The following GRM1 variants were observed in gnomAD, a reference collection of about 807,000 sequenced individuals.
The protein encoded by GRM1 is glutamate metabotropic receptor 1.
In GRM1, 33 loss-of-function variants were observed where a neutral mutation model predicts 90.9. The observed-to-expected ratio is 0.36, with a 90% CI of 0.28 to 0.49. The LOEUF (loss-of-function observed/expected upper bound fraction) is 0.49, where lower values mean the gene tolerates loss of function less well. Among genes scored for constraint, GRM1 ranks in the 20% least tolerant of loss-of-function variants. The probability of loss-of-function intolerance (pLI) is 0.99; values close to 1 mark genes in which losing one functional copy is unlikely to be tolerated. For synonymous variants in GRM1, 700 were observed against 613.2 expected, an observed-to-expected ratio of 1.14 and a Z score of -2.09; for missense variants, 1,190 against 1,534.3, an observed-to-expected ratio of 0.78 and a Z score of 3.75.
At chr6:146,329,377 G>A (rs927919001) in intron 3 of GRM1, among the ~76,000 whole-genome samples, 6 of 152,126 alleles carry the variant, frequency 3.9e-5, no homozygotes, top group African/African-American at 1.4e-4. Flanking sequence ...TTCCACAGTG[G>A]AGGACAGGGA....
At chr6:146,406,152 G>T (rs1321792249) in intron 7 of GRM1, among the ~76,000 whole-genome samples, 1 of 152,172 alleles carries the variant, frequency 6.6e-6, no homozygotes, top group African/African-American at 2.4e-5. Context: ...ATAAGAGAGA[G>T]ATCATCTGGT....
At chr6:146,047,907 ATT>A (rs1791392300) in intron 1 of GRM1, among the ~76,000 whole-genome samples, 1 of 151,986 alleles carries the variant, frequency 6.6e-6, no homozygotes, top group Middle Eastern at 3.2e-3. Context: ...TAACAGGCAT[ATT>A]TCCACCTGAC....
intron 2 of GRM1, among the ~76,000 whole-genome samples, chr6:146,183,691 G>A (rs888572422): frequency 1.3e-5 from 2 of 152,056 alleles, no homozygotes; most frequent in Admixed American, 6.6e-5. Flanking sequence ...GTAACTGTGC[G>A]ATTCTCCTCT....
At chr6:146,159,715 A>G in intron 2 of GRM1, 118 bp downstream of exon 2, 1 of 959,556 alleles carries the variant, frequency 1.0e-6, no homozygotes, top group South Asian at 1.4e-5. Context: ...GCTAACTCCA[A>G]AGTGGGAGAG....
chr6:146,267,702 G>GCTCGGCTCGGCTCGTCTCGT, intron 2 of GRM1, among the ~76,000 whole-genome samples: 1 of 86,120 alleles, frequency 1.2e-5, no homozygotes, highest in Admixed American at 1.4e-4. Flanking sequence ...GCTCGGCTCG[G>GCTCGGCTCGGCTCGTCTCGT]CTCGTCTCGT....
chr6:146,130,219 T>G (rs1439061945), intron 1 of GRM1, among the ~76,000 whole-genome samples: 1 of 151,966 alleles, frequency 6.6e-6, no homozygotes, highest in Non-Finnish European at 1.5e-5. Flanking sequence ...AGATTTAGTT[T>G]TCTCTTTCTT....
chr6:146,034,702 C>T (rs1241844429), intron 1 of GRM1, among the ~76,000 whole-genome samples: 8 of 151,928 alleles, frequency 5.3e-5, no homozygotes, highest in South Asian at 4.1e-4. Flanking sequence ...AACCCTTTCA[C>T]GAGCAAACTA....
intron 1 of GRM1, among the ~76,000 whole-genome samples, chr6:146,066,047 T>C (rs1172443991): frequency 6.6e-6 from 1 of 152,208 alleles, no homozygotes; most frequent in Non-Finnish European, 1.5e-5. Context: ...TTTTATTTCT[T>C]ATTTTTTCTT....
At chr6:146,058,088 G>C (rs916593360) in intron 1 of GRM1, among the ~76,000 whole-genome samples, 5 of 151,958 alleles carry the variant, frequency 3.3e-5, no homozygotes, top group African/African-American at 1.2e-4. Context: ...TTCCACATTA[G>C]TGTTAAAATT....
At position 146,434,496 on chromosome 6, in the gene GRM1, C is replaced by A. The variant is rs568155311; in HGVS notation, c.3285C>A (p.Asp1095Glu). 5.0e-6 allele frequency: 8 copies of A among 1,613,070 alleles called. No homozygotes were observed. The South Asian group carries it at 7.7e-5, about 15-fold the overall frequency. Residue 1095 changes from aspartate (D) to glutamate (E), a missense_variant, in exon 8 of 8, where the codon GAC becomes GAA. Around this residue, in one of 10 missense-constraint regions of GRM1, gnomAD observed 400 missense variants for 360.8 expected, o/e 1.11. Transcript: ENST00000282753. ...AGGAGCTGGTCTCCCCGCCCGCGGACGACGACGACGACAGCGAGAGGTTTA... is the reference window on the plus strand; with the variant it reads ...AGGAGCTGGTCTCCCCGCCCGCGGAAGACGACGACGACAGCGAGAGGTTTA... ...FGEELVSPPA[D>E]DDDDSERFKL...
At chr6:146,139,542 T>C (rs1371973488) in intron 1 of GRM1, among the ~76,000 whole-genome samples, 3 of 152,238 alleles carry the variant, frequency 2.0e-5, no homozygotes, top group African/African-American at 4.8e-5. Flanking sequence ...TCTTGGTGAA[T>C]TGACCACTTT....
chr6:146,132,289 G>T (rs902766351), intron 1 of GRM1, among the ~76,000 whole-genome samples: 8 of 152,130 alleles, frequency 5.3e-5, no homozygotes, highest in African/African-American at 1.9e-4. Context: ...ATGTGGTGGG[G>T]GGGGACCACA....
intron 2 of GRM1, among the ~76,000 whole-genome samples, chr6:146,217,992 A>T (rs996549705): frequency 6.6e-6 from 1 of 152,188 alleles, no homozygotes; most frequent in African/African-American, 2.4e-5. Context: ...AATACATTTT[A>T]TTAATTATCC....
At chr6:146,311,158 G>A (rs1783757893) in intron 3 of GRM1, among the ~76,000 whole-genome samples, 1 of 152,154 alleles carries the variant, frequency 6.6e-6, no homozygotes. Flanking sequence ...AAGCCAAAAA[G>A]TTTTATAGAT....
chr6:146,045,077 A>C (rs1791276153), intron 1 of GRM1, among the ~76,000 whole-genome samples: 1 of 151,920 alleles, frequency 6.6e-6, no homozygotes, highest in Non-Finnish European at 1.5e-5. Flanking sequence ...TTTACTTCTT[A>C]TGACAGTGTA....
At chr6:146,204,878 A>G (rs1339922430) in intron 2 of GRM1, among the ~76,000 whole-genome samples, 2 of 152,178 alleles carry the variant, frequency 1.3e-5, no homozygotes, top group Non-Finnish European at 2.9e-5. Flanking sequence ...CAGCCACTCT[A>G]TGGCTGCCCT....
chr6:146,377,562 G>A (rs1776149831), intron 5 of GRM1, among the ~76,000 whole-genome samples: 1 of 152,102 alleles, frequency 6.6e-6, no homozygotes, highest in Non-Finnish European at 1.5e-5. Flanking sequence ...AGGTGAAAGA[G>A]GATAAAAGTT....
At chr6:146,416,121 T>C (rs1777773942) in intron 7 of GRM1, among the ~76,000 whole-genome samples, 1 of 152,190 alleles carries the variant, frequency 6.6e-6, no homozygotes, top group African/African-American at 2.4e-5. Flanking sequence ...GATTGTGTCT[T>C]ATATGTGCAG....
Position 146,228,763 on chromosome 6 carries a change from AC to A in GRM1, c.950+69168del, listed in dbSNP as rs533565071. On this transcript the variant is annotated intron_variant, in intron 2 of 7. Transcript: ENST00000282753. ...TGAGATGCTTGATATTTGACAGTCTACCTCGCATATGAACTATTGATTCCTG... is the reference window on the plus strand; with the variant it reads ...TGAGATGCTTGATATTTGACAGTCTACTCGCATATGAACTATTGATTCCTG... 2.9e-3 allele frequency among the ~76,000 whole-genome samples: 435 copies of A among 152,230 alleles called. 1 individual carries two copies. The highest frequency in any genetic ancestry group is 4.4e-3 in the Non-Finnish European group (297 of 68,016).
Sources: allele counts gnomAD v4.1 joint callset (sites outside exome capture counted in the v4.1 genomes callset), GRCh38; gene constraint gnomAD v4.1.1; regional missense constraint gnomAD v4.1.1; transcripts MANE v1.5; gene names NCBI Gene and HGNC (gene_info 2026-07-23, HGNC 2026-07-21).